The following FSHR variants were observed in gnomAD, a reference collection of about 807,000 sequenced individuals.
FSHR encodes follicle stimulating hormone receptor.
Under a neutral mutation model 52.1 loss-of-function variants are expected in FSHR, and 46 were observed. That is an observed-to-expected ratio of 0.88 (90% confidence interval 0.70 to 1.13). FSHR has a LOEUF of 1.13. Ranked by LOEUF, FSHR falls within the 50% of genes most tolerant of loss-of-function variation. The pLI is 0.00. For synonymous variants in FSHR, 399 were observed against 309.6 expected, an observed-to-expected ratio of 1.29 and a Z score of -3.03; for missense variants, 964 against 834.6, an observed-to-expected ratio of 1.16 and a Z score of -1.91.
At chr2:49,088,848 A>G (rs2103683544) in intron 1 of FSHR, among the ~76,000 whole-genome samples, 1 of 152,288 alleles carries the variant, frequency 6.6e-6, no homozygotes, top group Non-Finnish European at 1.5e-5. Flanking sequence ...TGAACCAAAA[A>G]GATAAATTTA....
At chr2:49,077,348 C>T (rs1669987051) in intron 1 of FSHR, among the ~76,000 whole-genome samples, 1 of 152,210 alleles carries the variant, frequency 6.6e-6, no homozygotes, top group African/African-American at 2.4e-5. Context: ...ATGTTGGCTC[C>T]TTTCAGCCAC....
intron 2 of FSHR, among the ~76,000 whole-genome samples, chr2:49,042,664 A>C (rs1668517416): frequency 6.6e-6 from 1 of 152,296 alleles, no homozygotes; most frequent in East Asian, 1.9e-4. Context: ...TGGAGCAGCA[A>C]TTTCCTTTTT....
intron 4 of FSHR, among the ~76,000 whole-genome samples, chr2:48,994,834 A>T (rs1323822279): frequency 2.0e-5 from 3 of 152,184 alleles, no homozygotes; most frequent in Non-Finnish European, 4.4e-5. Flanking sequence ...ACTGACTCAG[A>T]GTTTTCCCTC....
chr2:49,035,146 A>G (rs1668233441), intron 2 of FSHR, among the ~76,000 whole-genome samples: 1 of 152,168 alleles, frequency 6.6e-6, no homozygotes, highest in Non-Finnish European at 1.5e-5. Context: ...CTCTTTTAGA[A>G]CTTGGGATGG....
intron 1 of FSHR, among the ~76,000 whole-genome samples, chr2:49,140,524 T>A (rs1672644486): frequency 6.6e-6 from 1 of 151,992 alleles, no homozygotes; most frequent in Admixed American, 6.6e-5. Context: ...TTTATAGTAC[T>A]GCAAGAATGG....
chr2:48,968,937 G>A, intron 8 of FSHR, 54 bp from the exon 9 acceptor site: 2 of 1,541,756 alleles, frequency 1.3e-6, no homozygotes, highest in Non-Finnish European at 1.8e-6. Flanking sequence ...AAAACTTTCT[G>A]CTCTTGGTTA....
chr2:49,056,363 A>G (rs1341709083), intron 2 of FSHR, among the ~76,000 whole-genome samples: 15 of 151,444 alleles, frequency 9.9e-5, no homozygotes, highest in Non-Finnish European at 2.9e-5. Flanking sequence ...AACAGACTTA[A>G]GTTAAAAGAT....
chr2:49,032,356 C>A (rs1668129308), intron 2 of FSHR, among the ~76,000 whole-genome samples: 1 of 152,188 alleles, frequency 6.6e-6, no homozygotes, highest in South Asian at 2.1e-4. Context: ...CCAGGCCCCT[C>A]AAATCACACT....
intron 1 of FSHR, among the ~76,000 whole-genome samples, chr2:49,129,143 G>T (rs1319296391): frequency 6.7e-6 from 1 of 149,540 alleles, no homozygotes; most frequent in African/African-American, 2.5e-5. Flanking sequence ...TGCCTGTCTT[G>T]CTCCTCACAC....
At chr2:48,994,359 T>C (rs1423651097) in intron 4 of FSHR, among the ~76,000 whole-genome samples, 1 of 152,188 alleles carries the variant, frequency 6.6e-6, no homozygotes, top group African/African-American at 2.4e-5. Context: ...ATAGCCACTG[T>C]ACTTATGAAA....
At chr2:49,137,822 G>T (rs1478515154) in intron 1 of FSHR, among the ~76,000 whole-genome samples, 2 of 151,936 alleles carry the variant, frequency 1.3e-5, no homozygotes, top group Non-Finnish European at 2.9e-5. Context: ...AAAACCCACA[G>T]GTAAGAGCTA....
chr2:48,973,264 A>ACG (rs1253021323), intron 8 of FSHR, among the ~76,000 whole-genome samples: 3 of 149,054 alleles, frequency 2.0e-5, no homozygotes, highest in Non-Finnish European at 4.4e-5. Flanking sequence ...ACACACACAC[A>ACG]CACACATGCA....
At chr2:49,087,288 G>A (rs1229258639) in intron 1 of FSHR, among the ~76,000 whole-genome samples, 1 of 151,962 alleles carries the variant, frequency 6.6e-6, no homozygotes, top group Non-Finnish European at 1.5e-5. Flanking sequence ...GGTGTACACA[G>A]TACATAAATG....
At chr2:49,146,305 C>T (rs1337180349) in intron 1 of FSHR, among the ~76,000 whole-genome samples, 3 of 152,142 alleles carry the variant, frequency 2.0e-5, no homozygotes, top group Middle Eastern at 3.4e-3. Context: ...AAACCGAAGC[C>T]ACTTCAGAAA....
intron 1 of FSHR, among the ~76,000 whole-genome samples, chr2:49,133,617 C>T (rs1006261850): frequency 9.9e-5 from 15 of 152,112 alleles, no homozygotes; most frequent in Admixed American, 9.8e-4. Context: ...CCAAAACAAT[C>T]CTAAGCAAAA....
intron 2 of FSHR, among the ~76,000 whole-genome samples, chr2:49,061,783 TTCATATATAACTATATAGTTATATATAG>T (rs1558418415): frequency 2.8e-5 from 4 of 142,062 alleles, no homozygotes; most frequent in African/African-American, 7.6e-5. Flanking sequence ...ACTCTATATA[TTCATATATAACTATATAGTTATATATAG>T]TCATATATAA....
At chr2:49,133,729 C>A (rs1353066030) in intron 1 of FSHR, among the ~76,000 whole-genome samples, 2 of 151,972 alleles carry the variant, frequency 1.3e-5, no homozygotes, top group African/African-American at 4.8e-5. Context: ...AGATATAGAC[C>A]AATGGAACAT....
intron 1 of FSHR, among the ~76,000 whole-genome samples, chr2:49,096,247 T>G (rs981940852): frequency 6.6e-6 from 1 of 152,182 alleles, no homozygotes; most frequent in African/African-American, 2.4e-5. Context: ...CATAATGTAG[T>G]ACGGTCATAC....
chr2:49,027,091 C>G (rs892492543), intron 2 of FSHR, among the ~76,000 whole-genome samples: 1 of 152,234 alleles, frequency 6.6e-6, no homozygotes, highest in Non-Finnish European at 1.5e-5. Flanking sequence ...TCCCTACTGG[C>G]CCACTGGACT....
Sources: allele counts gnomAD v4.1 joint callset (sites outside exome capture counted in the v4.1 genomes callset), GRCh38; gene constraint gnomAD v4.1.1; transcripts MANE v1.5; gene names NCBI Gene and HGNC (gene_info 2026-07-23, HGNC 2026-07-21).